The following TNS1 variants were observed in gnomAD, a reference collection of about 807,000 sequenced individuals.
The protein encoded by TNS1 is tensin 1, also known as tensin-1.
In TNS1, 62 loss-of-function variants were observed where a neutral mutation model predicts 168.6. That is an observed-to-expected ratio of 0.37 (90% CI 0.30 to 0.45). The LOEUF (loss-of-function observed/expected upper bound fraction) is 0.45. Among genes scored for constraint, TNS1 ranks in the 20% least tolerant of loss-of-function variants. The pLI is 1.00. For missense variants in TNS1, 2,240 were observed against 2,339.4 expected, an observed-to-expected ratio of 0.96 and a Z score of 0.88; for synonymous variants, 934 against 933.2, an observed-to-expected ratio of 1.00 and a Z score of -0.02.
At chr2:217,852,189 G>A (rs1176205092) in intron 18 of TNS1, among the ~76,000 whole-genome samples, 1 of 152,202 alleles carries the variant, frequency 6.6e-6, no homozygotes, top group Non-Finnish European at 1.5e-5. Flanking sequence ...AGGGGGCAAA[G>A]CACTGAAGAC....
At chr2:217,898,138 A>G (rs889769335) in intron 7 of TNS1, among the ~76,000 whole-genome samples, 169 bp from the exon 8 acceptor site, 2 of 152,246 alleles carry the variant, frequency 1.3e-5, no homozygotes, top group African/African-American at 2.4e-5. Flanking sequence ...GGCAAGGCCA[A>G]TGTGGCCGGC....
intron 4 of TNS1, among the ~76,000 whole-genome samples, chr2:217,915,462 C>T (rs1954900148): frequency 1.3e-5 from 2 of 152,164 alleles, no homozygotes; most frequent in South Asian, 4.1e-4. Flanking sequence ...ACAACTGTGG[C>T]AGAAAGGAAC....
chr2:217,985,012 C>T (rs1365993593), intron 2 of TNS1, among the ~76,000 whole-genome samples: 1 of 151,906 alleles, frequency 6.6e-6, no homozygotes, highest in Non-Finnish European at 1.5e-5. Flanking sequence ...CTACCTCGGC[C>T]TCCCAAACTG....
At chr2:217,940,909 T>C (rs551600785) in intron 3 of TNS1, among the ~76,000 whole-genome samples, 22 of 152,164 alleles carry the variant, frequency 1.4e-4, no homozygotes, top group Admixed American at 3.9e-4. Context: ...GGTTCTCCTC[T>C]CACTGCCCAC....
chr2:218,015,833 T>A (rs956648227), intron 1 of TNS1, among the ~76,000 whole-genome samples: 7 of 151,720 alleles, frequency 4.6e-5, no homozygotes, highest in Non-Finnish European at 1.0e-4. Context: ...GGATGGGGAG[T>A]GGGACAGGGG....
chr2:217,884,374 G>C (rs1950993552), intron 16 of TNS1, among the ~76,000 whole-genome samples: 1 of 152,166 alleles, frequency 6.6e-6, no homozygotes, highest in Non-Finnish European at 1.5e-5. Context: ...TGGATGGAGA[G>C]AGAGATGGGT....
At chr2:217,858,601 G>C in intron 18 of TNS1, 1 of 985,654 alleles carries the variant, frequency 1.0e-6, no homozygotes, top group Non-Finnish European at 1.2e-6. Flanking sequence ...TCCAAGTGCT[G>C]TCTGTGTCCT....
chr2:217,807,757 C>T, intron 32 of TNS1, among the ~76,000 whole-genome samples: 1 of 152,258 alleles, frequency 6.6e-6, no homozygotes, highest in Non-Finnish European at 1.5e-5. Flanking sequence ...CAGAAAAGAT[C>T]ATGTAAGCAA....
At chr2:217,959,435 A>G (rs943343895) in intron 3 of TNS1, among the ~76,000 whole-genome samples, 13 of 151,800 alleles carry the variant, frequency 8.6e-5, no homozygotes, top group African/African-American at 2.4e-4. Flanking sequence ...GTGCCTTAGC[A>G]TGGAACCTGG....
rs1209357217 is a variant in TNS1, at chr2:217,813,003, C to T, written c.4954+212G>A. 1.3e-5 allele frequency among the ~76,000 whole-genome samples: 2 copies of T among 152,250 alleles called. No individual in the cohort carries two copies. The highest frequency in any genetic ancestry group is 2.4e-5 in the African/African-American group (1 of 41,470). Reference sequence around the variant, plus strand: ...CAGTTATAATGATAACAAGTCCCAGCTGGGTCGGACAAACACAGACTGCAG... The same window carrying T: ...CAGTTATAATGATAACAAGTCCCAGTTGGGTCGGACAAACACAGACTGCAG... On this transcript the variant is annotated intron_variant, in intron 27 of 32. Transcript: ENST00000682258. This position sits in a 1 kb window ranked among gnomAD's most constrained non-coding sequence, Gnocchi z 4.0.
intron 2 of TNS1, among the ~76,000 whole-genome samples, chr2:217,983,646 G>A (rs1187934176): frequency 6.6e-6 from 1 of 152,196 alleles, no homozygotes; most frequent in African/African-American, 2.4e-5. Flanking sequence ...TTTTCCTCCT[G>A]GACTTGGGTC....
chr2:217,914,081 C>T (rs973553641), intron 4 of TNS1, among the ~76,000 whole-genome samples: 3 of 152,196 alleles, frequency 2.0e-5, no homozygotes, highest in African/African-American at 7.2e-5. Flanking sequence ...TCCCTCCTTC[C>T]CTCCTCTCTT....
At chr2:217,887,698 T>A (rs889058441) in intron 12 of TNS1, among the ~76,000 whole-genome samples, 11 of 152,034 alleles carry the variant, frequency 7.2e-5, no homozygotes, top group African/African-American at 2.4e-4. Context: ...ATAAATAAGG[T>A]CCAGGAGGGG....
chr2:217,858,033 G>A (rs1948363105), intron 18 of TNS1, among the ~76,000 whole-genome samples: 1 of 152,176 alleles, frequency 6.6e-6, no homozygotes, highest in Admixed American at 6.5e-5. Flanking sequence ...GGAGGCCGGT[G>A]GGGAATGGTG....
rs1950147526 is a variant in TNS1, at chr2:217,875,650, CCT to C, written c.1429+5246_1429+5247del. Among the ~76,000 whole-genome samples, 3 of 152,076 alleles carry C rather than the reference CCT, an allele frequency of 2.0e-5. No homozygotes were observed. The South Asian group carries it at 6.2e-4, about 32-fold the overall frequency. On this transcript the variant is annotated intron_variant, in intron 18 of 32. Coordinates refer to ENST00000682258, the MANE Select transcript of TNS1 (RefSeq NM_001387777.1). ...CCTGTTTGCTGTATCTCTTTCCCTC[CCT>C]CTTTCCTCTTTCAAAAAAAAAGTAT...
chr2:217,824,498 T>C (rs748172899), intron 22 of TNS1, among the ~76,000 whole-genome samples: 7 of 152,172 alleles, frequency 4.6e-5, no homozygotes, highest in Non-Finnish European at 1.0e-4. Context: ...GGGATGTAAG[T>C]ACCTTGCCCA....
At chr2:217,980,506 C>CACAG (rs1283664403) in intron 2 of TNS1, among the ~76,000 whole-genome samples, 32 of 117,574 alleles carry the variant, frequency 2.7e-4, no homozygotes, top group Non-Finnish European at 3.3e-4. Context: ...TACACACACA[C>CACAG]AGAGAGAGAG....
At chr2:217,893,106 C>T in intron 10 of TNS1, 94 bp from the exon 11 acceptor site, 1 of 1,484,568 alleles carries the variant, frequency 6.7e-7, no homozygotes, top group Non-Finnish European at 9.3e-7. Flanking sequence ...AGAGTCAGGG[C>T]TGGAGAGAGG....
intron 18 of TNS1, among the ~76,000 whole-genome samples, chr2:217,865,359 G>A (rs1295092446): frequency 2.0e-5 from 3 of 152,188 alleles, no homozygotes; most frequent in Non-Finnish European, 4.4e-5. Flanking sequence ...AGAAGCCAGG[G>A]CACCACCCTT....
Sources: gnomAD v4.1 joint callset for allele counts (sites outside exome capture counted in the v4.1 genomes callset) on GRCh38, gnomAD v4.1.1 for gene constraint, Gnocchi (gnomAD v3.1) non-coding constraint, MANE v1.5 for transcripts, NCBI Gene and HGNC (gene_info 2026-07-23, HGNC 2026-07-21) for gene names.